MCCC2: variants seen among roughly 807,000 people sequenced by gnomAD.
The protein encoded by MCCC2 is methylcrotonoyl-CoA carboxylase beta chain, mitochondrial.
MCCC2 carries 52 observed loss-of-function variants against 77.2 expected under a neutral mutation model. The ratio of observed to expected loss-of-function variants is 0.67; its 90% CI spans 0.54 to 0.85. MCCC2 has a LOEUF of 0.85. Ranked by LOEUF, MCCC2 falls within the 40% of genes least tolerant of loss-of-function variation. The probability of loss-of-function intolerance (pLI) is 0.00; values close to 1 mark genes in which losing one functional copy is unlikely to be tolerated. For missense variants in MCCC2, 682 were observed against 703.2 expected (o/e 0.97, Z 0.34); for synonymous variants, 253 against 248.4 (o/e 1.02, Z -0.18).
At chr5:71,656,600 T>C (rs537526592) in intron 16 of MCCC2, 143 bp from the exon 17 acceptor site, 3 of 758,218 alleles carry the variant, frequency 4.0e-6, no homozygotes, top group African/African-American at 3.4e-5. Flanking sequence ...GTAGTTTCTG[T>C]TGTGAGATTA....
intron 6 of MCCC2, among the ~76,000 whole-genome samples, chr5:71,610,595 A>G (rs558414951): frequency 9.9e-5 from 15 of 152,200 alleles, no homozygotes; most frequent in African/African-American, 3.4e-4. Flanking sequence ...CTCCTCCCCA[A>G]AATCTAATCT....
At chr5:71,589,007 A>G (rs1176024201) in intron 1 of MCCC2, among the ~76,000 whole-genome samples, 4 of 152,158 alleles carry the variant, frequency 2.6e-5, no homozygotes, top group African/African-American at 7.2e-5. Context: ...TGTGGTGGCA[A>G]TGTGGAGGAT....
chr5:71,656,799 GT>G lies in MCCC2; in HGVS notation c.1635del (p.Phe545LeufsTer9). On this transcript the variant is annotated frameshift_variant, in exon 17 of 17. Transcript: ENST00000340941. LOFTEE classifies it high-confidence loss of function. Reference protein sequence around the residue: ...PADTRLVLGLSFSAALNAPIE... With the variant: ...PADTRLVLGLXFSAALNAPIE... ...GACACCAGACTGGTCTTGGGTCTCA[GT>G]TTTAGTGCAGCCCTCAACGCACCAA... 1 of 1,614,168 alleles carries G rather than the reference GT, an allele frequency of 6.2e-7. No individual in the cohort carries two copies. Among genetic ancestry groups the G allele is most frequent in the East Asian group, 2.2e-5 (1 of 44,878 alleles).
Position 71,635,037 on chromosome 5 carries a change from T to C in MCCC2, c.898T>C (p.Leu300=), listed in dbSNP as rs1746869158. 6.2e-7 allele frequency: 1 copy of C among 1,614,060 alleles called. No homozygotes were observed. Residue 300 remains leucine, a synonymous_variant, in exon 9 of 17, where the codon TTG becomes CTG. Transcript: ENST00000340941. ...VVRNLNYQKK[L]DVTIEPSEEP... ...GAGGAATCTAAATTATCAGAAGAAATTGGATGTGAGTACGATATGTTCTTA... is the reference window on the plus strand; with the variant it reads ...GAGGAATCTAAATTATCAGAAGAAACTGGATGTGAGTACGATATGTTCTTA...
intron 12 of MCCC2, among the ~76,000 whole-genome samples, chr5:71,644,121 A>T (rs1289828274): frequency 1.3e-5 from 2 of 149,912 alleles, no homozygotes; most frequent in African/African-American, 4.9e-5. Context: ...AACAGTTTTT[A>T]TGGTGGTTTA....
intron 6 of MCCC2, among the ~76,000 whole-genome samples, chr5:71,608,543 G>T (rs1745785616): frequency 6.6e-6 from 1 of 150,878 alleles, no homozygotes; most frequent in Admixed American, 6.6e-5. Flanking sequence ...TTGCCAGTCT[G>T]TGTCTTTTAA....
At chr5:71,639,061 A>G (rs1413792080) in intron 10 of MCCC2, among the ~76,000 whole-genome samples, 5 of 152,204 alleles carry the variant, frequency 3.3e-5, no homozygotes, top group Non-Finnish European at 5.9e-5. Flanking sequence ...CCATGCCACA[A>G]ATACGTATGC....
chr5:71,640,382 A>ATTTTTTTTTTT (rs60843078), intron 10 of MCCC2, among the ~76,000 whole-genome samples: 1 of 109,154 alleles, frequency 9.2e-6, no homozygotes, highest in Non-Finnish European at 1.9e-5. Context: ...CACTTTTTAC[A>ATTTTTTTTTTT]TTTTTTTTTT....
chr5:71,654,077 A>C (rs944135083), intron 16 of MCCC2, among the ~76,000 whole-genome samples: 2 of 152,120 alleles, frequency 1.3e-5, no homozygotes, highest in Admixed American at 1.3e-4. Context: ...AGCTCACTGC[A>C]ATCTCTGCCT....
intron 6 of MCCC2, 86 bp downstream of exon 6, chr5:71,604,554 T>A: frequency 2.0e-6 from 2 of 994,748 alleles, no homozygotes; most frequent in Non-Finnish European, 3.1e-6. Flanking sequence ...GGCTTGAAAG[T>A]AAAACAGAAT....
chr5:71,595,428 CAAA>C (rs56048450), intron 2 of MCCC2, among the ~76,000 whole-genome samples: 2 of 115,230 alleles, frequency 1.7e-5, no homozygotes, highest in Non-Finnish European at 3.5e-5. Context: ...GATCTTGTCT[CAAA>C]AAAAAAAAAA....
rs1746738845 is a variant in MCCC2, at chr5:71,632,140, A to AT, written c.758_759insT (p.Glu253AspfsTer6). On this transcript the variant is annotated frameshift_variant, in exon 8 of 17. Coordinates refer to ENST00000340941, the MANE Select transcript of MCCC2 (RefSeq NM_022132.5). LOFTEE classifies it high-confidence loss of function. The stretch of plus-strand genomic sequence containing the variant: ...TTGTAGGTTAAAGCGGCAACTGGGG[A>AT]AGAAGTATCTGCTGAGGATCTTGGA... 6.2e-7 allele frequency: 1 copy of AT among 1,614,050 alleles called. No homozygotes were observed. The highest frequency in any genetic ancestry group is 1.3e-5 in the African/African-American group (1 of 74,914).
At chr5:71,593,553 T>A (rs911224948) in intron 2 of MCCC2, among the ~76,000 whole-genome samples, 2 of 150,974 alleles carry the variant, frequency 1.3e-5, no homozygotes, top group Non-Finnish European at 3.0e-5. Flanking sequence ...TTATTTTTAA[T>A]TTTTATTAAT....
chr5:71,604,582 CTTT>C (rs35873168), intron 6 of MCCC2, 114 bp downstream of exon 6: 34 of 666,286 alleles, frequency 5.1e-5, no homozygotes, highest in South Asian at 7.0e-5. Context: ...AAAATCTAAT[CTTT>C]TTTTTTTTTT....
At chr5:71,604,814 G>A (rs1435727877) in intron 6 of MCCC2, among the ~76,000 whole-genome samples, 2 of 144,314 alleles carry the variant, frequency 1.4e-5, no homozygotes, top group East Asian at 2.0e-4. Flanking sequence ...TCCCACCTAT[G>A]AGTGAGAATA....
At chr5:71,601,179 C>A (rs1029710650) in intron 4 of MCCC2, among the ~76,000 whole-genome samples, 1 of 152,210 alleles carries the variant, frequency 6.6e-6, no homozygotes, top group Non-Finnish European at 1.5e-5. Context: ...ATTTCTCATT[C>A]TGTAACAAGT....
At chr5:71,601,322 GCTT>G (rs1745420926) in intron 4 of MCCC2, among the ~76,000 whole-genome samples, 1 of 152,142 alleles carries the variant, frequency 6.6e-6, no homozygotes, top group Non-Finnish European at 1.5e-5. Flanking sequence ...CAGTACCAGA[GCTT>G]CTTAAACTTT....
intron 7 of MCCC2, among the ~76,000 whole-genome samples, chr5:71,630,634 A>G (rs1292424113): frequency 6.6e-6 from 1 of 152,222 alleles, no homozygotes; most frequent in East Asian, 1.9e-4. Context: ...AAGGAAAAGA[A>G]CCAAGAATTT....
At chr5:71,593,201 C>T (rs1745050284) in intron 2 of MCCC2, among the ~76,000 whole-genome samples, 1 of 151,902 alleles carries the variant, frequency 6.6e-6, no homozygotes, top group Non-Finnish European at 1.5e-5. Context: ...CATTCTCCTG[C>T]CTCAGCCTCC....
Sources: gnomAD v4.1 joint callset for allele counts (sites outside exome capture counted in the v4.1 genomes callset) on GRCh38, gnomAD v4.1.1 for gene constraint, MANE v1.5 for transcripts, NCBI Gene and HGNC (gene_info 2026-07-23, HGNC 2026-07-21) for gene names.